Variants in ZCCHC2 observed in about 807,000 individuals in gnomAD.
ZCCHC2 encodes the protein zinc finger CCHC-type containing 2.
A neutral mutation model predicts 103.6 loss-of-function variants in ZCCHC2; 39 were observed. The observed-to-expected ratio is 0.38, with a 90% CI of 0.29 to 0.49. ZCCHC2 has a LOEUF of 0.49. Among genes scored for constraint, ZCCHC2 ranks in the 20% least tolerant of loss-of-function variants. The pLI, the probability that ZCCHC2 is intolerant of heterozygous loss-of-function variation, is 0.96. For missense variants in ZCCHC2, 1,483 were observed against 1,491.0 expected (o/e 0.99, Z 0.09); for synonymous variants, 687 against 608.9 (o/e 1.13, Z -1.89).
intron 4 of ZCCHC2, among the ~76,000 whole-genome samples, chr18:62,548,974 A>G (rs1242038998): frequency 1.3e-5 from 2 of 150,868 alleles, no homozygotes; most frequent in African/African-American, 4.9e-5. Flanking sequence ...AATCCCAGCA[A>G]TTTGGGGGGT....
chr18:62,584,243 CTGTT>C lies in ZCCHC2; in HGVS notation c.*74-202_*74-199del, dbSNP rs1433196554. Among the ~76,000 whole-genome samples, 31 of 152,240 alleles carry C rather than the reference CTGTT, an allele frequency of 2.0e-4. 1 individual carries two copies. On this transcript the variant is annotated intron_variant and NMD_transcript_variant, in intron 14 of 14. Transcript: ENST00000585873. ...GGGGTGGTTTGGGGCTTCCTCTTGT[CTGTT>C]CTGTAATGGGGGCACATCACACGTG...
Position 62,523,229 on chromosome 18 carries a change from G to A in ZCCHC2, c.-196G>A, listed in dbSNP as rs1370754258. 2 of 282,368 alleles carry A rather than the reference G, an allele frequency of 7.1e-6. No individual in the cohort carries two copies. The highest frequency in any genetic ancestry group is 6.5e-5 in the Admixed American group (1 of 15,400). The allele number at this position is 282,368 out of a possible 1,614,324, so 17.5% of individuals were successfully genotyped here. A position where few individuals can be genotyped will look rare whatever the true frequency, so the allele number is the denominator to read the frequency against. ...GCGGGCACGCCCCGCCCCCAGCCCG[G>A]GAAGACGACGCCAGCGACCCCGCCG... On this transcript the variant is annotated 5_prime_UTR_variant, in exon 1 of 14. Transcript: ENST00000269499.
chr18:62,562,957 A>G (rs952818204), intron 8 of ZCCHC2, 52 bp from the exon 9 acceptor site: 1 of 1,560,772 alleles, frequency 6.4e-7, no homozygotes, highest in Non-Finnish European at 8.8e-7. Context: ...GAAATGAAAT[A>G]GGTTATTATT....
chr18:62,540,435 C>CTTT (rs555817088), intron 2 of ZCCHC2, among the ~76,000 whole-genome samples: 4 of 141,440 alleles, frequency 2.8e-5, no homozygotes, highest in African/African-American at 7.6e-5. Context: ...ATTATGTCTC[C>CTTT]TTTTTTTTTT....
chr18:62,566,290 C>T (rs1414602550), intron 11 of ZCCHC2, among the ~76,000 whole-genome samples: 4 of 152,100 alleles, frequency 2.6e-5, no homozygotes, highest in Admixed American at 1.3e-4. Context: ...AATCATCTGG[C>T]CAACTCATTG....
At chr18:62,551,480 TCA>T (rs1269753233) in intron 5 of ZCCHC2, 2 of 152,304 alleles carry the variant, frequency 1.3e-5, no homozygotes, top group African/African-American at 4.8e-5. Context: ...GAAAAAATGT[TCA>T]GTTTTTAACA....
intron 7 of ZCCHC2, among the ~76,000 whole-genome samples, chr18:62,559,886 A>G (rs1916043929): frequency 6.6e-6 from 1 of 152,240 alleles, no homozygotes; most frequent in African/African-American, 2.4e-5. Context: ...GTCATTCTCT[A>G]AACAATACAG....
intron 4 of ZCCHC2, among the ~76,000 whole-genome samples, chr18:62,548,606 A>G (rs1162826060): frequency 6.6e-6 from 1 of 152,218 alleles, no homozygotes; most frequent in African/African-American, 2.4e-5. Flanking sequence ...AAATATAAAT[A>G]TTGAAATGAG....
intron 5 of ZCCHC2, among the ~76,000 whole-genome samples, chr18:62,552,832 G>A (rs1012469822): frequency 7.3e-5 from 11 of 151,202 alleles, no homozygotes; most frequent in Non-Finnish European, 1.5e-4. Context: ...TGAGGCCGCA[G>A]TGAGCTATGA....
intron 1 of ZCCHC2, among the ~76,000 whole-genome samples, chr18:62,531,088 G>T (rs761411675): frequency 6.6e-5 from 10 of 151,890 alleles, no homozygotes; most frequent in Non-Finnish European, 1.5e-4. Flanking sequence ...AAGCAAAAAG[G>T]CCTGTACTAC....
chr18:62,554,703 T>C (rs1310390248), intron 5 of ZCCHC2, among the ~76,000 whole-genome samples: 1 of 152,200 alleles, frequency 6.6e-6, no homozygotes, highest in Non-Finnish European at 1.5e-5. Context: ...ACCAGTTGGT[T>C]TCTAACATGA....
chr18:62,556,873 T>G (rs1242770428), intron 6 of ZCCHC2, among the ~76,000 whole-genome samples: 1 of 152,232 alleles, frequency 6.6e-6, no homozygotes, highest in Non-Finnish European at 1.5e-5. Flanking sequence ...CACTCTGATC[T>G]ATCCCTGGAT....
chr18:62,565,336 C>T (rs1302652893), intron 11 of ZCCHC2, among the ~76,000 whole-genome samples: 1 of 152,162 alleles, frequency 6.6e-6, no homozygotes, highest in East Asian at 1.9e-4. Context: ...ACCTGCCTCT[C>T]CCTTCTGGCA....
In ZCCHC2 at chr18:62,556,209, A is replaced by G. The variant is rs1382245534; in HGVS notation, c.1320A>G (p.Leu440=). The G allele has an allele frequency of 6.3e-7, 1 of 1,598,318 alleles. No individual in the cohort carries two copies. The highest frequency in any genetic ancestry group is 8.5e-7 in the Non-Finnish European group (1 of 1,171,822). ...CTTTTCTTTTTATGTGCAGGCAGCT[A>G]TTTTCAAGTTCATCACAAGCTTTTC... ...HPDLEPILRQ[L]FSSSSQAFLQ... is the part of the protein sequence containing the mutation. The change falls in exon 6 of 14, where the codon CTA becomes CTG. Residue 440 remains leucine, a synonymous_variant. Transcript: ENST00000269499.
chr18:62,555,446 T>G (rs1033806933), intron 5 of ZCCHC2, among the ~76,000 whole-genome samples: 2 of 152,202 alleles, frequency 1.3e-5, no homozygotes, highest in African/African-American at 4.8e-5. Flanking sequence ...CTGTTCCATA[T>G]TTTTCAGGAC....
chr18:62,579,734 T>G (rs181799370), downstream of ZCCHC2, among the ~76,000 whole-genome samples: 123 of 152,286 alleles, frequency 8.1e-4, no homozygotes, highest in Middle Eastern at 3.4e-3. Context: ...TTTCTTTTTT[T>G]TTTGTGAGAC....
chr18:62,554,083 T>C (rs887059351), intron 5 of ZCCHC2, among the ~76,000 whole-genome samples: 2 of 152,166 alleles, frequency 1.3e-5, no homozygotes, highest in Admixed American at 1.3e-4. Flanking sequence ...AATCTTGGAT[T>C]CATTTGTAAT....
rs760796576 is a variant in ZCCHC2, at chr18:62,574,602, A to G, written c.2521A>G (p.Ile841Val). Residue 841 changes from isoleucine to valine, a missense_variant, in exon 13 of 14, where the codon ATC becomes GTC. By Grantham distance (29) the Ile-to-Val change is conservative. This residue lies in a region of ZCCHC2 where 884 missense variants were observed against 907.5 expected (regional missense o/e 0.97). Coordinates refer to ENST00000269499, the MANE Select transcript of ZCCHC2 (RefSeq NM_017742.6). Reference protein sequence around the residue: ...IPQQPPGSLSIASPNTAFIPI... With the variant: ...IPQQPPGSLSVASPNTAFIPI... Reference sequence around the variant, plus strand: ...ACAACAACCACCCGGAAGCCTGAGCATCGCATCACCAAACACTGCCTTTAT... The same window carrying G: ...ACAACAACCACCCGGAAGCCTGAGCGTCGCATCACCAAACACTGCCTTTAT... 7 of 1,613,990 alleles carry G rather than the reference A, an allele frequency of 4.3e-6. No homozygotes were observed. The highest frequency in any genetic ancestry group is 2.2e-5 in the East Asian group (1 of 44,878).
intron 5 of ZCCHC2, among the ~76,000 whole-genome samples, chr18:62,552,815 A>G (rs886731089): frequency 4.0e-5 from 6 of 151,750 alleles, no homozygotes; most frequent in African/African-American, 1.5e-4. Context: ...GCTTCAGCCC[A>G]GGAGCTTGAG....
Sources: gnomAD v4.1 joint callset for allele counts (sites outside exome capture counted in the v4.1 genomes callset) on GRCh38, gnomAD v4.1.1 for gene constraint, gnomAD v4.1.1 regional missense constraint, MANE v1.5 for transcripts, NCBI Gene and HGNC (gene_info 2026-07-23, HGNC 2026-07-21) for gene names.